The following GULP1 variants were observed in gnomAD, a reference collection of about 807,000 sequenced individuals.
GULP1 encodes the protein PTB domain-containing engulfment adapter protein 1.
GULP1 carries 19 observed loss-of-function variants against 40.9 expected under a neutral mutation model. That is an observed-to-expected ratio of 0.46 (90% CI 0.32 to 0.68). The LOEUF is 0.68. Among genes scored for constraint, GULP1 ranks in the 30% least tolerant of loss-of-function variants. The probability of loss-of-function intolerance (pLI) is 0.03; values close to 1 mark genes in which losing one functional copy is unlikely to be tolerated. For synonymous variants in GULP1, 119 were observed against 117.6 expected (o/e 1.01, Z -0.08); for missense variants, 312 against 362.2 (o/e 0.86, Z 1.12).
At chr2:188,449,472 G>A (rs1051569821) in intron 2 of GULP1, among the ~76,000 whole-genome samples, 2 of 152,132 alleles carry the variant, frequency 1.3e-5, no homozygotes, top group African/African-American at 4.8e-5. Flanking sequence ...ATATTGTGTA[G>A]AATGAATACT....
chr2:188,503,983 A>AC (rs1383034408), intron 4 of GULP1, among the ~76,000 whole-genome samples: 1 of 151,902 alleles, frequency 6.6e-6, no homozygotes, highest in African/African-American at 2.4e-5. Context: ...TAAAGCCTTG[A>AC]CAATCCTTTT....
chr2:188,388,665 T>C (rs1049725434), intron 2 of GULP1, among the ~76,000 whole-genome samples: 2 of 152,198 alleles, frequency 1.3e-5, no homozygotes, highest in African/African-American at 4.8e-5. Context: ...TCCTTACATT[T>C]TGATCACTAT....
chr2:188,516,279 A>G (rs2065162341), intron 4 of GULP1, among the ~76,000 whole-genome samples: 1 of 152,158 alleles, frequency 6.6e-6, no homozygotes, highest in Non-Finnish European at 1.5e-5. Context: ...ACTTGGTTCA[A>G]AATTATCATT....
At chr2:188,456,021 G>A (rs1264773490) in intron 2 of GULP1, among the ~76,000 whole-genome samples, 2 of 152,172 alleles carry the variant, frequency 1.3e-5, no homozygotes, top group African/African-American at 2.4e-5. Context: ...TGAGAGAGAT[G>A]ATTTAGGGTA....
At chr2:188,448,579 T>C (rs1385936399) in intron 2 of GULP1, among the ~76,000 whole-genome samples, 1 of 152,214 alleles carries the variant, frequency 6.6e-6, no homozygotes, top group East Asian at 1.9e-4. Flanking sequence ...ATTTAGAACT[T>C]ACATTGGACC....
intron 9 of GULP1, among the ~76,000 whole-genome samples, chr2:188,576,379 T>C (rs1021476848): frequency 1.6e-4 from 25 of 152,266 alleles, no homozygotes; most frequent in African/African-American, 5.8e-4. Context: ...ACTACTTTTT[T>C]GTTCAGTATT....
At chr2:188,324,367 T>C (rs2151964665) in intron 1 of GULP1, among the ~76,000 whole-genome samples, 1 of 152,210 alleles carries the variant, frequency 6.6e-6, no homozygotes, top group South Asian at 2.1e-4. Context: ...CTAAAAATAA[T>C]TGCTTAGTGA....
chr2:188,502,829 A>G (rs1422830875), intron 4 of GULP1, among the ~76,000 whole-genome samples: 1 of 151,914 alleles, frequency 6.6e-6, no homozygotes, highest in Non-Finnish European at 1.5e-5. Flanking sequence ...TATTTCTCAC[A>G]ACTCTGGAGG....
chr2:188,462,693 T>C (rs1313334444), intron 2 of GULP1, among the ~76,000 whole-genome samples: 1 of 152,152 alleles, frequency 6.6e-6, no homozygotes, highest in African/African-American at 2.4e-5. Context: ...TTTCTTACAG[T>C]TTCTTCCTGT....
intron 4 of GULP1, among the ~76,000 whole-genome samples, chr2:188,520,805 G>C (rs1294968705): frequency 6.6e-6 from 1 of 152,090 alleles, no homozygotes; most frequent in East Asian, 1.9e-4. Flanking sequence ...TACCTCTAAA[G>C]ATTCTGATTT....
chr2:188,393,768 T>C (rs1451934329), intron 2 of GULP1, among the ~76,000 whole-genome samples: 16 of 152,180 alleles, frequency 1.1e-4, no homozygotes. Flanking sequence ...GCAGCTCTGG[T>C]TCATAATTTA....
At chr2:188,454,978 C>T (rs2059143169) in intron 2 of GULP1, among the ~76,000 whole-genome samples, 1 of 151,724 alleles carries the variant, frequency 6.6e-6, no homozygotes, top group African/African-American at 2.4e-5. Flanking sequence ...AAAATAAAAA[C>T]AAAATTAACC....
chr2:188,409,194 G>A (rs756879803), intron 2 of GULP1, among the ~76,000 whole-genome samples: 1 of 152,042 alleles, frequency 6.6e-6, no homozygotes, highest in African/African-American at 2.4e-5. Context: ...CAAACTAAGA[G>A]TTGTTTGTAG....
chr2:188,424,471 T>C (rs2055883914), intron 2 of GULP1, among the ~76,000 whole-genome samples: 1 of 151,936 alleles, frequency 6.6e-6, no homozygotes, highest in Non-Finnish European at 1.5e-5. Flanking sequence ...ATTATTTTGA[T>C]GCAAATTTCA....
At chr2:188,442,554 T>C (rs1208236248) in intron 2 of GULP1, among the ~76,000 whole-genome samples, 1 of 152,244 alleles carries the variant, frequency 6.6e-6, no homozygotes, top group Non-Finnish European at 1.5e-5. Context: ...TTTGTTTGTT[T>C]TAATTTTGGC....
At chr2:188,378,779 C>G (rs1465115315) in intron 1 of GULP1, among the ~76,000 whole-genome samples, 1 of 152,118 alleles carries the variant, frequency 6.6e-6, no homozygotes, top group East Asian at 1.9e-4. Context: ...CCCCATGACC[C>G]AAATACCTCT....
chr2:188,525,748 T>G (rs1261981167), intron 5 of GULP1, among the ~76,000 whole-genome samples: 2 of 152,132 alleles, frequency 1.3e-5, no homozygotes, highest in African/African-American at 4.8e-5. Context: ...TGCAAGAAAA[T>G]GTAGCCGTTG....
intron 1 of GULP1, among the ~76,000 whole-genome samples, chr2:188,327,537 A>C (rs953186391): frequency 2.0e-5 from 3 of 152,142 alleles, no homozygotes; most frequent in Admixed American, 2.0e-4. Context: ...AATGGACCAC[A>C]GGCTTCAGGG....
chr2:188,514,082 T>TGTGTGTGCGC (rs766246317), intron 4 of GULP1, among the ~76,000 whole-genome samples: 29 of 149,254 alleles, frequency 1.9e-4, no homozygotes, highest in Non-Finnish European at 3.6e-4. Flanking sequence ...TGTGTGTGTG[T>TGTGTGTGCGC]GCGCCCTGCC....
Sources: gnomAD v4.1 joint callset for allele counts (sites outside exome capture counted in the v4.1 genomes callset) on GRCh38, gnomAD v4.1.1 for gene constraint, MANE v1.5 for transcripts, NCBI Gene and HGNC (gene_info 2026-07-23, HGNC 2026-07-21) for gene names.